MTERF4: variants seen among roughly 807,000 people sequenced by gnomAD.
The protein encoded by MTERF4 is mitochondrial transcription termination factor 4.
Under a neutral mutation model 22.5 loss-of-function variants are expected in MTERF4, and 17 were observed. That is an observed-to-expected ratio of 0.75 (90% CI 0.52 to 1.13). The LOEUF is 1.13. MTERF4 is among the 50% of genes most tolerant of loss of function. The pLI is 0.00. For missense variants in MTERF4, 420 were observed against 466.8 expected (o/e 0.90, Z 0.92); for synonymous variants, 165 against 175.3 (o/e 0.94, Z 0.47).
the MTERF4 span, chr2:241,048,768 T>G: frequency 1.2e-6 from 2 of 1,605,620 alleles, no homozygotes; most frequent in African/African-American, 2.7e-5. Context: ...GTGAATTTGG[T>G]AGGTGCCCAG....
the MTERF4 span, chr2:241,063,371 C>CCTGGAGGTGGGG: frequency 3.4e-6 from 2 of 589,702 alleles, no homozygotes; most frequent in Non-Finnish European, 6.2e-6. Context: ...GAAGGCATGG[C>CCTGGAGGTGGGG]CTGGAGGTGG....
Position 241,096,669 on chromosome 2 carries a change from A to G in MTERF4, c.706-231T>C. On this transcript the variant is annotated intron_variant, in intron 3 of 3. Coordinates refer to ENST00000391980, the MANE Select transcript of MTERF4 (RefSeq NM_182501.4). This position sits in a 1 kb window ranked among gnomAD's most constrained non-coding sequence, Gnocchi z 5.1. The stretch of plus-strand genomic sequence containing the variant: ...CAGGAAATAAAGGGGTGGGAGGGAA[A>G]AGGGGCAGGAGGGAGAAGGGGCAGA... 1.5e-6 allele frequency: 1 copy of G among 687,072 alleles called. No homozygotes were observed. Among genetic ancestry groups the G allele is most frequent in the East Asian group, 2.9e-5 (1 of 34,444 alleles). The allele number at this position is 687,072 out of a possible 1,614,324, so 42.6% of individuals were successfully genotyped here. A position where few individuals can be genotyped will look rare whatever the true frequency, so the allele number is the denominator to read the frequency against.
the MTERF4 span, among the ~76,000 whole-genome samples, chr2:241,061,668 C>T: frequency 4.6e-5 from 7 of 151,950 alleles, no homozygotes; most frequent in East Asian, 1.9e-4. Context: ...AGGCGGATCA[C>T]GAAGTCAGGA....
intron 4 of MTERF4, among the ~76,000 whole-genome samples, chr2:241,080,790 G>T (rs183041046): frequency 6.6e-6 from 1 of 152,228 alleles, no homozygotes; most frequent in Non-Finnish European, 1.5e-5. Flanking sequence ...GGACCAACTC[G>T]GTCTGCAGGC....
chr2:241,060,477 C>A, the MTERF4 span, among the ~76,000 whole-genome samples: 1 of 152,102 alleles, frequency 6.6e-6, no homozygotes, highest in South Asian at 2.1e-4. Flanking sequence ...CCACCATGCC[C>A]GTCCCTAACT....
the MTERF4 span, among the ~76,000 whole-genome samples, chr2:241,058,398 A>G: frequency 3.3e-5 from 5 of 152,218 alleles, no homozygotes; most frequent in Non-Finnish European, 5.9e-5. Flanking sequence ...AAAATACGAA[A>G]TGATGCTGAA....
chr2:241,062,044 A>T, the MTERF4 span, among the ~76,000 whole-genome samples: 2 of 152,206 alleles, frequency 1.3e-5, no homozygotes, highest in African/African-American at 4.8e-5. Context: ...GAGAGAAGAC[A>T]ATATATATCA....
rs1158685346 is a variant in MTERF4 at position 241,075,552 on chromosome 2, T to C, written n.610A>G. The C allele has an allele frequency of 1.3e-5, 2 of 152,146 alleles. No homozygotes were observed. The highest frequency in any genetic ancestry group is 4.8e-5 in the African/African-American group (2 of 41,446). 9.4% of individuals were successfully genotyped at this position (152,146 alleles called of 1,614,324 possible). A position where few individuals can be genotyped will look rare whatever the true frequency, so the allele number is the denominator to read the frequency against. On this transcript the variant is annotated non_coding_transcript_exon_variant, in exon 5 of 5. Transcript: ENST00000464344. This position sits in a 1 kb window ranked among gnomAD's most constrained non-coding sequence, Gnocchi z 4.8. Reference sequence around the variant, plus strand: ...TCACGCCTTTTGACTTTATGTTGGGTTATTTGTACTCTTTTTATTCATTTG... The same window carrying C: ...TCACGCCTTTTGACTTTATGTTGGGCTATTTGTACTCTTTTTATTCATTTG...
the MTERF4 span, chr2:241,052,243 C>T: frequency 1.4e-6 from 2 of 1,461,334 alleles, no homozygotes; most frequent in Non-Finnish European, 1.9e-6. Context: ...CAGGGCTGGT[C>T]CAGGCCCTGG....
downstream of MTERF4, chr2:241,067,727 A>AGG: frequency 6.4e-7 from 1 of 1,556,656 alleles, no homozygotes; most frequent in African/African-American, 1.4e-5. Flanking sequence ...AGGAGCAAGG[A>AGG]GGGGCCGGCA....
downstream of MTERF4, chr2:241,089,962 A>C: frequency 6.5e-7 from 1 of 1,545,486 alleles, no homozygotes; most frequent in East Asian, 2.4e-5. Flanking sequence ...TAGATATAAA[A>C]GATAAAAAAT....
At chr2:241,049,098 C>T in the MTERF4 span, 9 of 1,612,542 alleles carry the variant, frequency 5.6e-6, no homozygotes, top group South Asian at 7.7e-5. Context: ...GCGGGAGCTA[C>T]CTCTGCGTCT....
chr2:241,062,428 C>CTG, the MTERF4 span, among the ~76,000 whole-genome samples: 2 of 152,222 alleles, frequency 1.3e-5, no homozygotes, highest in African/African-American at 4.8e-5. Flanking sequence ...CCCAGATGGA[C>CTG]TGGTTTCACA....
At chr2:241,042,602 T>C in the MTERF4 span, among the ~76,000 whole-genome samples, 1 of 152,124 alleles carries the variant, frequency 6.6e-6, no homozygotes, top group South Asian at 2.1e-4. Context: ...GATACAAATG[T>C]TTAATTATCT....
At chr2:241,070,857 C>T (rs934794888), downstream of MTERF4, among the ~76,000 whole-genome samples, 4 of 152,204 alleles carry the variant, frequency 2.6e-5, no homozygotes, top group East Asian at 1.9e-4. Context: ...GGAGAGGCCA[C>T]GGCGGGACAG....
chr2:241,064,717 C>T, the MTERF4 span: 1 of 636,000 alleles, frequency 1.6e-6, no homozygotes, highest in Non-Finnish European at 2.7e-6. The surrounding 1 kb of genome is among the most constrained non-coding windows in gnomAD (Gnocchi z 7.0). Context: ...GAGGCAGTAG[C>T]TGTCCTGTGC....
At chr2:241,068,060 G>A (rs989630770), downstream of MTERF4, 12 of 995,522 alleles carry the variant, frequency 1.2e-5, no homozygotes, top group African/African-American at 8.1e-5. This position sits in a 1 kb window ranked among gnomAD's most constrained non-coding sequence, Gnocchi z 5.3. Context: ...ACCACCTGCC[G>A]CTCCTCACCT....
At chr2:241,084,182 G>A (rs1347315609), downstream of MTERF4, among the ~76,000 whole-genome samples, 2 of 143,354 alleles carry the variant, frequency 1.4e-5, no homozygotes, top group Non-Finnish European at 3.0e-5. Context: ...TGTCCCCCAG[G>A]CTGGAGTGCG....
the MTERF4 span, chr2:241,051,196 A>G: frequency 6.6e-6 from 1 of 152,322 alleles, no homozygotes; most frequent in African/African-American, 2.4e-5. This position sits in a 1 kb window ranked among gnomAD's most constrained non-coding sequence, Gnocchi z 4.7. Context: ...GGCAGGACAG[A>G]TGTGCTTGGT....
Sources: gnomAD v4.1 joint callset for allele counts (sites outside exome capture counted in the v4.1 genomes callset) on GRCh38, gnomAD v4.1.1 for gene constraint, Gnocchi (gnomAD v3.1) non-coding constraint, MANE v1.5 for transcripts, NCBI Gene and HGNC (gene_info 2026-07-23, HGNC 2026-07-21) for gene names.